Variants in RGS6 observed in about 807,000 individuals in gnomAD.
RGS6 encodes the protein regulator of G protein signaling 6.
Under a neutral mutation model 78.5 loss-of-function variants are expected in RGS6, and 30 were observed. That is an observed-to-expected ratio of 0.38 (90% CI 0.29 to 0.52). The LOEUF is 0.52. Among genes scored for constraint, RGS6 ranks in the 20% least tolerant of loss-of-function variants. RGS6 has a pLI of 0.85. For missense variants in RGS6, 495 were observed against 609.7 expected (o/e 0.81, Z 1.98); for synonymous variants, 206 against 206.0 (o/e 1.00, Z 0.00).
intron 17 of RGS6, chr14:72,540,371 TGAG>T: frequency 1.4e-6 from 2 of 1,455,636 alleles, no homozygotes; most frequent in Middle Eastern, 1.9e-4. Flanking sequence ...TTCAGGGCTT[TGAG>T]GAGGAGGGAC....
chr14:72,268,407 C>A, intron 2 of RGS6, among the ~76,000 whole-genome samples: 1 of 152,128 alleles, frequency 6.6e-6, no homozygotes, highest in Non-Finnish European at 1.5e-5. Flanking sequence ...TGAATGAAAA[C>A]CTCCCCACAG....
At chr14:72,097,252 C>T (rs1409529860) in intron 2 of RGS6, among the ~76,000 whole-genome samples, 2 of 152,198 alleles carry the variant, frequency 1.3e-5, no homozygotes, top group Non-Finnish European at 2.9e-5. Context: ...CTTTGAGGTG[C>T]AATTTCTATT....
intron 2 of RGS6, among the ~76,000 whole-genome samples, chr14:72,336,461 G>C (rs1294991414): frequency 6.6e-6 from 1 of 152,074 alleles, no homozygotes; most frequent in African/African-American, 2.4e-5. Context: ...AAATTAGTTA[G>C]TTTGGCTCAT....
At chr14:72,619,345 G>A in the RGS6 span, 1 of 1,536,148 alleles carries the variant, frequency 6.5e-7, no homozygotes, top group Non-Finnish European at 8.7e-7. Context: ...GCAGTTCCCA[G>A]CATAAGTGGC....
chr14:72,562,608 GTGGGGAGACTCGGTGGGTGAA>G lies in RGS6; in HGVS notation c.*151_*171del. On this transcript the variant is annotated 3_prime_UTR_variant, in exon 18 of 18. Transcript: ENST00000553525. ...AGAGTGAGGGCAATGAAGGGCGATG[GTGGGGAGACTCGGTGGGTGAA>G]TGGGGAGACCAGAAAGAAAGAGTCC... 2.0e-6 allele frequency: 3 copies of G among 1,536,664 alleles called. No individual in the cohort carries two copies. Among genetic ancestry groups the G allele is most frequent in the South Asian group, 2.4e-5 (2 of 84,466 alleles).
chr14:72,376,536 C>T (rs569917425), intron 3 of RGS6, among the ~76,000 whole-genome samples: 4 of 152,116 alleles, frequency 2.6e-5, no homozygotes, highest in South Asian at 4.1e-4. Context: ...CTCTCTGAGG[C>T]ACATTTTAGT....
intron 2 of RGS6, among the ~76,000 whole-genome samples, chr14:72,039,494 T>C (rs1031477278): frequency 2.0e-5 from 3 of 152,332 alleles, no homozygotes; most frequent in Middle Eastern, 3.4e-3. Flanking sequence ...ATTTGTCTAA[T>C]ATTGGTATAG....
intron 3 of RGS6, among the ~76,000 whole-genome samples, chr14:72,439,199 A>G (rs1474761334): frequency 6.6e-6 from 1 of 152,134 alleles, no homozygotes; most frequent in Non-Finnish European, 1.5e-5. Flanking sequence ...TGACTCCTCC[A>G]TTACAGAGTA....
chr14:71,875,264 C>G, the RGS6 span, among the ~76,000 whole-genome samples: 1 of 152,076 alleles, frequency 6.6e-6, no homozygotes, highest in Non-Finnish European at 1.5e-5. Context: ...GCTGTGAATC[C>G]ATCTGGTCCT....
intron 17 of RGS6, among the ~76,000 whole-genome samples, chr14:72,544,604 G>T (rs956233015): frequency 6.6e-6 from 1 of 152,202 alleles, no homozygotes; most frequent in Non-Finnish European, 1.5e-5. Context: ...AGGAAGGGCC[G>T]GAAGCTGCAG....
intron 2 of RGS6, among the ~76,000 whole-genome samples, chr14:72,340,913 C>A (rs940399041): frequency 1.3e-5 from 2 of 152,064 alleles, no homozygotes; most frequent in African/African-American, 2.4e-5. Context: ...GGGAAAGAAG[C>A]GGAACTTCAG....
At chr14:72,445,325 G>A (rs982431661) in intron 3 of RGS6, among the ~76,000 whole-genome samples, 1 of 152,172 alleles carries the variant, frequency 6.6e-6, no homozygotes, top group Non-Finnish European at 1.5e-5. Flanking sequence ...AAGTAGCTGG[G>A]ACTACAGGCA....
intron 2 of RGS6, among the ~76,000 whole-genome samples, chr14:72,117,800 G>A (rs997256330): frequency 6.6e-6 from 1 of 152,124 alleles, no homozygotes; most frequent in South Asian, 2.1e-4. Flanking sequence ...ACTATGTGGT[G>A]GATGCACAAA....
At chr14:72,027,231 G>A (rs1007480256) in intron 2 of RGS6, among the ~76,000 whole-genome samples, 27 of 150,790 alleles carry the variant, frequency 1.8e-4, no homozygotes, top group Non-Finnish European at 3.9e-4. Context: ...GAGAGAGAGA[G>A]AGAGTGTGTG....
chr14:72,015,422 A>G (rs1303683809), intron 2 of RGS6, among the ~76,000 whole-genome samples: 1 of 152,240 alleles, frequency 6.6e-6, no homozygotes, highest in Non-Finnish European at 1.5e-5. Flanking sequence ...TTTGGAGAGG[A>G]CAAGCAAACC....
intron 2 of RGS6, among the ~76,000 whole-genome samples, chr14:72,128,793 A>T (rs1257300331): frequency 2.0e-5 from 3 of 152,314 alleles, no homozygotes; most frequent in African/African-American, 7.2e-5. Context: ...GGAGTCCTTC[A>T]GATCCCACAA....
the RGS6 span, chr14:72,619,431 G>A: frequency 1.3e-6 from 2 of 1,494,332 alleles, no homozygotes; most frequent in African/African-American, 2.8e-5. Context: ...CACCCCACTG[G>A]CCCTAACTTC....
chr14:72,332,886 T>C (rs1367284696), intron 2 of RGS6, among the ~76,000 whole-genome samples: 2 of 152,132 alleles, frequency 1.3e-5, no homozygotes, highest in Non-Finnish European at 2.9e-5. Flanking sequence ...CTGGAGAGGA[T>C]TTTAGAAGCC....
At chr14:72,180,253 T>C (rs953406300) in intron 2 of RGS6, among the ~76,000 whole-genome samples, 3 of 152,208 alleles carry the variant, frequency 2.0e-5, no homozygotes, top group Non-Finnish European at 4.4e-5. Flanking sequence ...TCAGTAACAG[T>C]TGTATTCCCA....
Sources: gnomAD v4.1 joint callset for allele counts (sites outside exome capture counted in the v4.1 genomes callset) on GRCh38, gnomAD v4.1.1 for gene constraint, MANE v1.5 for transcripts, NCBI Gene and HGNC (gene_info 2026-07-23, HGNC 2026-07-21) for gene names.